CACNA1E: variants seen among roughly 807,000 people sequenced by gnomAD.
CACNA1E encodes calcium voltage-gated channel subunit alpha1 E, also known as voltage-dependent R-type calcium channel subunit alpha-1E.
In CACNA1E, 40 loss-of-function variants were observed where a neutral mutation model predicts 259.2. That is an observed-to-expected ratio of 0.15 (90% CI 0.12 to 0.20). The LOEUF (loss-of-function observed/expected upper bound fraction) is 0.20, where lower values mean the gene tolerates loss of function less well. Among genes scored for constraint, CACNA1E ranks in the 10% least tolerant of loss-of-function variants. The pLI is 1.00. For missense variants in CACNA1E, 1,874 were observed against 3,040.1 expected (o/e 0.62, Z 9.02); for synonymous variants, 1,104 against 1,138.5 (o/e 0.97, Z 0.61).
At chr1:181,643,656 T>C (rs1450019464) in intron 6 of CACNA1E, among the ~76,000 whole-genome samples, 1 of 151,764 alleles carries the variant, frequency 6.6e-6, no homozygotes, top group African/African-American at 2.4e-5. Context: ...GGTGGAGGAG[T>C]GTTTCTTTCT....
At chr1:181,703,690 C>T (rs190733690) in intron 7 of CACNA1E, among the ~76,000 whole-genome samples, 13 of 152,262 alleles carry the variant, frequency 8.5e-5, no homozygotes, top group Non-Finnish European at 1.8e-4. Flanking sequence ...TGTCATGAAG[C>T]TGTGGAATAG....
At chr1:181,693,284 C>T (rs1212769221) in intron 7 of CACNA1E, among the ~76,000 whole-genome samples, 1 of 151,990 alleles carries the variant, frequency 6.6e-6, no homozygotes, top group Non-Finnish European at 1.5e-5. Flanking sequence ...AGCATTCGAC[C>T]CAGCAATCCC....
chr1:181,387,363 G>C (rs756868011), intron 1 of CACNA1E, among the ~76,000 whole-genome samples: 1 of 152,100 alleles, frequency 6.6e-6, no homozygotes, highest in African/African-American at 2.4e-5. Context: ...GAGGCTTCTA[G>C]TTTTAAAATG....
At chr1:181,698,579 C>T (rs2102361651) in intron 7 of CACNA1E, among the ~76,000 whole-genome samples, 1 of 152,246 alleles carries the variant, frequency 6.6e-6, no homozygotes, top group South Asian at 2.1e-4. Context: ...GTTTAATCGT[C>T]TTTCATGGCA....
chr1:181,346,590 C>T (rs1652608548), intron 1 of CACNA1E, among the ~76,000 whole-genome samples: 1 of 152,216 alleles, frequency 6.6e-6, no homozygotes, highest in Non-Finnish European at 1.5e-5. Flanking sequence ...TCAGTCCCTC[C>T]TGGCAATTCT....
At chr1:181,523,678 G>T (rs1667151623) in intron 3 of CACNA1E, among the ~76,000 whole-genome samples, 1 of 152,218 alleles carries the variant, frequency 6.6e-6, no homozygotes. Flanking sequence ...AAGGGATGGG[G>T]TTGGTCTTGA....
chr1:181,451,761 C>G (rs536315945), intron 2 of CACNA1E, among the ~76,000 whole-genome samples: 1 of 152,120 alleles, frequency 6.6e-6, no homozygotes, highest in Non-Finnish European at 1.5e-5. Context: ...AAGGGTAAAG[C>G]CTTTGAGTGC....
intron 3 of CACNA1E, among the ~76,000 whole-genome samples, chr1:181,556,719 A>G (rs1283547358): frequency 6.6e-6 from 1 of 152,204 alleles, no homozygotes; most frequent in Admixed American, 6.5e-5. Context: ...AAGTTGGGGC[A>G]GGAGGGCACT....
rs751752665 is a variant in CACNA1E, at chr1:181,756,896, A to G, written c.4128-29A>G. 1.4e-6 allele frequency: 2 copies of G among 1,463,774 alleles called. 1 individual carries two copies. Among genetic ancestry groups the G allele is most frequent in the South Asian group, 2.3e-5 (2 of 87,916 alleles). The allele number at this position is 1,463,774 out of a possible 1,614,324, so 90.7% of individuals were successfully genotyped here. On this transcript the variant is annotated intron_variant, in intron 29 of 47. Transcript: ENST00000367573. ...AACGAAGCCAAGACTGTCATCCACC[A>G]TCTGTGCCCTCTTGTTCTGTCCCCA...
rs577883365 is a variant in CACNA1E at position 181,442,028 on chromosome 1, A to G, written c.434+28448A>G. ...GTTGTGTTGTCAACACAATCACAGT[A>G]TTTTATAGCCCACACGGACCTTGGA... is the stretch of plus-strand genomic sequence containing the variant. On this transcript the variant is annotated intron_variant, in intron 2 of 11. Coordinates refer to the CACNA1E transcript ENST00000524607. 2.6e-5 allele frequency among the ~76,000 whole-genome samples: 4 copies of G among 152,264 alleles called. No individual in the cohort carries two copies. The South Asian group carries it at 8.3e-4, about 32-fold the overall frequency.
rs3930440 is a variant in CACNA1E at position 181,802,089 on chromosome 1, C to T, written c.*3255C>T. 32,884 of 152,168 alleles carry T rather than the reference C, an allele frequency of 0.22. 4,431 individuals carry two copies. Among genetic ancestry groups the T allele is most frequent in the Non-Finnish European group, 0.3 (20,330 of 67,974 alleles). 9.4% of individuals were successfully genotyped at this position (152,168 alleles called of 1,614,324 possible). A position where few individuals can be genotyped will look rare whatever the true frequency, so the allele number is the denominator to read the frequency against. On this transcript the variant is annotated 3_prime_UTR_variant, in exon 48 of 48. Transcript: ENST00000367573. Reference sequence around the variant, plus strand: ...AGTGCCAGCGACCTCTGGACAGGGGCAGGGCTCCAGCCAAGGTGCCCCTGA... The same window carrying T: ...AGTGCCAGCGACCTCTGGACAGGGGTAGGGCTCCAGCCAAGGTGCCCCTGA...
At chr1:181,339,126 A>G (rs1651945729) in intron 1 of CACNA1E, among the ~76,000 whole-genome samples, 1 of 152,000 alleles carries the variant, frequency 6.6e-6, no homozygotes, top group Non-Finnish European at 1.5e-5. Flanking sequence ...CTTTTTCAAG[A>G]TTGCTTTGGC....
chr1:181,429,396 C>G (rs1235269473), intron 2 of CACNA1E, among the ~76,000 whole-genome samples: 2 of 152,334 alleles, frequency 1.3e-5, no homozygotes, highest in Admixed American at 6.5e-5. Flanking sequence ...GCCTGCCTCT[C>G]TGCCCAATCT....
At chr1:181,746,104 G>A (rs1007401296) in intron 25 of CACNA1E, among the ~76,000 whole-genome samples, 1 of 152,190 alleles carries the variant, frequency 6.6e-6, no homozygotes, top group Non-Finnish European at 1.5e-5. Context: ...GGGTTCGAGG[G>A]TGACCCCAAG....
At chr1:181,781,559 C>A (rs781400181) in intron 39 of CACNA1E, 36 bp downstream of exon 39, 3 of 1,071,008 alleles carry the variant, frequency 2.8e-6, no homozygotes, top group Non-Finnish European at 4.2e-6. Flanking sequence ...GGCTACAGAC[C>A]AACAGGAAAT....
At chr1:181,451,174 C>T (rs1320373959) in intron 2 of CACNA1E, among the ~76,000 whole-genome samples, 1 of 152,174 alleles carries the variant, frequency 6.6e-6, no homozygotes, top group East Asian at 1.9e-4. Flanking sequence ...TATTTTCTTC[C>T]ACTGCCTCGC....
chr1:181,701,972 G>A (rs1408798845), intron 7 of CACNA1E, among the ~76,000 whole-genome samples: 3 of 152,050 alleles, frequency 2.0e-5, no homozygotes, highest in Non-Finnish European at 4.4e-5. Flanking sequence ...GAAGGAGGGT[G>A]GCAGAGAAAG....
intron 1 of CACNA1E, among the ~76,000 whole-genome samples, chr1:181,489,871 C>T (rs1473680902): frequency 1.3e-5 from 2 of 152,206 alleles, no homozygotes; most frequent in African/African-American, 2.4e-5. Context: ...AAAGCAGTCC[C>T]TTCCACAGAG....
chr1:181,556,630 G>A (rs56161247), intron 3 of CACNA1E, among the ~76,000 whole-genome samples: 59,933 of 152,084 alleles, frequency 0.39, 13,187 homozygotes, highest in Non-Finnish European at 0.49. Flanking sequence ...GGGTCACTTT[G>A]TATTGAGGAT....
Sources: allele counts gnomAD v4.1 joint callset (sites outside exome capture counted in the v4.1 genomes callset), GRCh38; gene constraint gnomAD v4.1.1; transcripts MANE v1.5; gene names NCBI Gene and HGNC (gene_info 2026-07-23, HGNC 2026-07-21).